The following PHF11 variants were observed in gnomAD, a reference collection of about 807,000 sequenced individuals.
PHF11 encodes the protein PHD finger protein 11, also known as BRCA1 C-terminus-associated protein.
Under a neutral mutation model 40.5 loss-of-function variants are expected in PHF11, and 38 were observed. The ratio of observed to expected loss-of-function variants is 0.94; its 90% CI spans 0.72 to 1.23. PHF11 has a LOEUF of 1.23. Among genes scored for constraint, PHF11 ranks in the 50% most tolerant of loss-of-function variants. The pLI is 0.00. For synonymous variants in PHF11, 127 were observed against 138.2 expected (o/e 0.92, Z 0.57); for missense variants, 369 against 392.4 (o/e 0.94, Z 0.50).
chr13:49,496,254 C>T (rs1008537812), intron 1 of PHF11, 159 bp downstream of exon 1: 18 of 646,662 alleles, frequency 2.8e-5, no homozygotes, highest in Admixed American at 9.0e-5. Flanking sequence ...GAACTTGGCT[C>T]ACCACTCGCG....
intron 7 of PHF11, 183 bp downstream of exon 7, chr13:49,523,424 T>C: frequency 1.7e-6 from 1 of 597,598 alleles, no homozygotes; most frequent in Non-Finnish European, 3.0e-6. Flanking sequence ...CAAGATAACT[T>C]AGGTTGGAAT....
intron 9 of PHF11, among the ~76,000 whole-genome samples, chr13:49,526,962 G>A (rs1415039784): frequency 6.6e-6 from 1 of 151,554 alleles, no homozygotes; most frequent in Non-Finnish European, 1.5e-5. Flanking sequence ...CGCTTGGTGA[G>A]ATAGGTCAAA....
At chr13:49,497,673 T>C (rs1206570603) in intron 1 of PHF11, among the ~76,000 whole-genome samples, 1 of 152,210 alleles carries the variant, frequency 6.6e-6, no homozygotes, top group African/African-American at 2.4e-5. Flanking sequence ...GCAAATGTGA[T>C]TCTCCTACTC....
At chr13:49,520,997 C>A in intron 5 of PHF11, 57 bp downstream of exon 5, 1 of 1,489,000 alleles carries the variant, frequency 6.7e-7, no homozygotes, top group Non-Finnish European at 9.1e-7. Flanking sequence ...ATTTATGTAA[C>A]ATAAGGAATA....
intron 2 of PHF11, among the ~76,000 whole-genome samples, chr13:49,511,674 T>C (rs1959084927): frequency 6.6e-6 from 1 of 152,214 alleles, no homozygotes; most frequent in Admixed American, 6.5e-5. Context: ...GGGTTAGGCA[T>C]ATTCTGGGCT....
chr13:49,526,279 G>A, intron 8 of PHF11, 108 bp from the exon 9 acceptor site: 2 of 708,304 alleles, frequency 2.8e-6, no homozygotes, highest in Non-Finnish European at 2.6e-6. Context: ...AAGTTCCATG[G>A]CACATGACTG....
At chr13:49,525,881 A>G (rs1959248165) in intron 8 of PHF11, 2 of 438,806 alleles carry the variant, frequency 4.6e-6, no homozygotes, top group Admixed American at 5.3e-5. Flanking sequence ...AATACCAAGA[A>G]TTGGGGGCCA....
At chr13:49,504,815 C>T (rs988701273) in intron 1 of PHF11, among the ~76,000 whole-genome samples, 3 of 151,294 alleles carry the variant, frequency 2.0e-5, no homozygotes, top group African/African-American at 4.9e-5. Context: ...GGATGGTTGC[C>T]GTGTCTGTGT....
intron 1 of PHF11, 139 bp from the exon 2 acceptor site, chr13:49,506,496 C>T: frequency 1.4e-6 from 1 of 719,358 alleles, no homozygotes. Flanking sequence ...TCACTTGGGT[C>T]CCCAATATTT....
intron 1 of PHF11, among the ~76,000 whole-genome samples, chr13:49,501,364 G>A (rs1958905977): frequency 6.6e-6 from 1 of 152,042 alleles, no homozygotes; most frequent in African/African-American, 2.4e-5. Flanking sequence ...TCTGTTTTGA[G>A]TGTCCTTTAA....
rs747075931 is a variant in PHF11 at position 49,506,709 on chromosome 13, C to T, written c.169C>T (p.Leu57=). The change falls in exon 2 of 10, where the codon CTA becomes TTA. Residue 57 remains leucine (L), a synonymous_variant. Transcript: ENST00000378319. The part of the protein sequence containing the change: ...LCPKDVEYNV[L]YFAQSENIAA... The stretch of plus-strand genomic sequence containing the variant: ...CCCCAAAGATGTCGAATATAATGTC[C>T]TATACTTTGCACAATCAGAGAATAT... 3.0e-5 allele frequency: 49 copies of T among 1,608,210 alleles called. 1 individual carries two copies. The South Asian group carries it at 5.0e-4, about 16-fold the overall frequency.
chr13:49,513,112 T>C lies in PHF11; in HGVS notation c.270T>C (p.Asp90=). 1 of 1,603,450 alleles carries C rather than the reference T, an allele frequency of 6.2e-7. No individual in the cohort carries two copies. Among genetic ancestry groups the C allele is most frequent in the Non-Finnish European group, 8.5e-7 (1 of 1,170,408 alleles). Residue 90 remains aspartate, a synonymous_variant, in exon 3 of 10, where the codon GAT becomes GAC. Coordinates refer to ENST00000378319, the MANE Select transcript of PHF11 (RefSeq NM_001040443.3). ...ECEDQDPLNP[D]RSFDVESVKK... ...AGGATCAGGATCCACTTAATCCTGA[T>C]AGAAGTTTTGATGTGGAATCAGTAA...
intron 8 of PHF11, chr13:49,526,168 CAAAAAAA>C (rs10573458): frequency 2.9e-4 from 98 of 341,102 alleles, no homozygotes; most frequent in East Asian, 1.3e-3. Context: ...GATTCTGTCT[CAAAAAAA>C]AAAAAAAAAA....
chr13:49,518,338 A>G (rs969485927), intron 4 of PHF11, 187 bp downstream of exon 4: 10 of 282,132 alleles, frequency 3.5e-5, no homozygotes, highest in African/African-American at 1.1e-4. Flanking sequence ...ATATATATAT[A>G]TATTATTTTA....
chr13:49,524,258 C>G, intron 8 of PHF11, 42 bp downstream of exon 8: 1 of 1,463,668 alleles, frequency 6.8e-7, no homozygotes, highest in Non-Finnish European at 9.3e-7. Context: ...GAGACTTCTC[C>G]CAGATCTAGA....
chr13:49,509,529 C>T (rs1959055675), intron 2 of PHF11, among the ~76,000 whole-genome samples: 1 of 152,032 alleles, frequency 6.6e-6, no homozygotes, highest in Admixed American at 6.6e-5. Flanking sequence ...GTATTTTCTA[C>T]AAATAAGGTG....
intron 7 of PHF11, 49 bp downstream of exon 7, chr13:49,523,290 A>C: frequency 7.8e-7 from 1 of 1,283,340 alleles, no homozygotes; most frequent in Non-Finnish European, 1.1e-6. Flanking sequence ...AATACTTATA[A>C]AAATGTCAAC....
intron 4 of PHF11, among the ~76,000 whole-genome samples, chr13:49,520,240 G>A (rs973415237): frequency 6.6e-6 from 1 of 152,234 alleles, no homozygotes; most frequent in South Asian, 2.1e-4. Flanking sequence ...GTAGAGGCGG[G>A]GTTTCACCAT....
intron 1 of PHF11, among the ~76,000 whole-genome samples, chr13:49,502,105 T>G (rs1418476363): frequency 6.6e-6 from 1 of 151,570 alleles, no homozygotes; most frequent in Non-Finnish European, 1.5e-5. Context: ...TTCGAAACCA[T>G]CCTGGACAAC....
Sources: allele counts gnomAD v4.1 joint callset (sites outside exome capture counted in the v4.1 genomes callset), GRCh38; gene constraint gnomAD v4.1.1; transcripts MANE v1.5; gene names NCBI Gene and HGNC (gene_info 2026-07-23, HGNC 2026-07-21).